The following SMARCC1 variants were observed in gnomAD, a reference collection of about 807,000 sequenced individuals.
SMARCC1 encodes SWI/SNF complex subunit SMARCC1.
A neutral mutation model predicts 147.4 loss-of-function variants in SMARCC1; 43 were observed. The observed-to-expected ratio is 0.29, with a 90% CI of 0.23 to 0.38. The LOEUF is 0.38. Among genes scored for constraint, SMARCC1 ranks in the 10% least tolerant of loss-of-function variants. The pLI, the probability that SMARCC1 is intolerant of heterozygous loss-of-function variation, is 1.00. For missense variants in SMARCC1, 1,119 were observed against 1,381.1 expected (o/e 0.81, Z 3.01); for synonymous variants, 495 against 484.4 (o/e 1.02, Z -0.29).
intron 1 of SMARCC1, among the ~76,000 whole-genome samples, chr3:47,778,084 G>A (rs1211457141): frequency 2.0e-5 from 3 of 149,696 alleles, no homozygotes; most frequent in African/African-American, 4.9e-5. Context: ...GCGGGTGCCT[G>A]TAATCCCAGC....
At chr3:47,707,319 G>GAAA (rs112319199) in intron 9 of SMARCC1, among the ~76,000 whole-genome samples, 1 of 137,822 alleles carries the variant, frequency 7.3e-6, no homozygotes. Context: ...CTCAAAGAAG[G>GAAA]AAAAAAAAAA....
At chr3:47,675,346 T>G in intron 18 of SMARCC1, 129 bp downstream of exon 18, 1 of 525,238 alleles carries the variant, frequency 1.9e-6, no homozygotes, top group Non-Finnish European at 3.4e-6. Context: ...CATATAGGAA[T>G]ATAAAAGGTA....
intron 9 of SMARCC1, among the ~76,000 whole-genome samples, chr3:47,709,118 A>C (rs1559650890): frequency 6.6e-6 from 1 of 152,084 alleles, no homozygotes; most frequent in Non-Finnish European, 1.5e-5. Context: ...AAAATTAGCC[A>C]GGTGTGGTGG....
intron 5 of SMARCC1, among the ~76,000 whole-genome samples, chr3:47,732,214 C>A (rs975969446): frequency 7.9e-5 from 12 of 152,192 alleles, no homozygotes; most frequent in African/African-American, 2.9e-4. Flanking sequence ...TTCAAACGTT[C>A]CTTCTGCAGC....
intron 26 of SMARCC1, among the ~76,000 whole-genome samples, chr3:47,605,756 G>A (rs949863537): frequency 1.5e-4 from 23 of 152,158 alleles, no homozygotes; most frequent in Non-Finnish European, 3.1e-4. Flanking sequence ...CTGGGTGACA[G>A]AGTAAGGCCC....
chr3:47,673,281 T>C (rs745742537), intron 18 of SMARCC1, among the ~76,000 whole-genome samples: 1 of 149,992 alleles, frequency 6.7e-6, no homozygotes, highest in Non-Finnish European at 1.5e-5. Flanking sequence ...TCCCACCACT[T>C]TGGGAGGCTG....
intron 7 of SMARCC1, among the ~76,000 whole-genome samples, chr3:47,717,638 A>C (rs2034172980): frequency 6.6e-6 from 1 of 152,074 alleles, no homozygotes; most frequent in Admixed American, 6.6e-5. Flanking sequence ...GTCTCAGCTC[A>C]CTGCAGCCTC....
intron 21 of SMARCC1, among the ~76,000 whole-genome samples, chr3:47,648,223 G>A (rs2033143356): frequency 6.6e-6 from 1 of 152,042 alleles, no homozygotes; most frequent in South Asian, 2.1e-4. Context: ...TCGAACCCCT[G>A]ACTTGAGGTG....
chr3:47,661,253 A>C, intron 21 of SMARCC1, 41 bp downstream of exon 21: 1 of 1,528,110 alleles, frequency 6.5e-7, no homozygotes, highest in Non-Finnish European at 8.8e-7. Context: ...AGGAATACAA[A>C]CATATATTAA....
chr3:47,746,740 T>C (rs2034568222), intron 2 of SMARCC1, among the ~76,000 whole-genome samples: 1 of 151,494 alleles, frequency 6.6e-6, no homozygotes, highest in African/African-American at 2.4e-5. Context: ...TTTTTTTTTT[T>C]TTTTTTTGAG....
At chr3:47,769,147 G>T (rs997624256) in intron 2 of SMARCC1, among the ~76,000 whole-genome samples, 6 of 144,710 alleles carry the variant, frequency 4.1e-5, no homozygotes, top group Non-Finnish European at 7.5e-5. Flanking sequence ...GGAGGCGGAG[G>T]CTGCAGTGAG....
chr3:47,777,957 G>C (rs969394735), intron 1 of SMARCC1, among the ~76,000 whole-genome samples: 1 of 151,700 alleles, frequency 6.6e-6, no homozygotes, highest in Non-Finnish European at 1.5e-5. Flanking sequence ...TGTAATCCCA[G>C]TACTTTGGGA....
chr3:47,693,430 C>A, intron 11 of SMARCC1, 130 bp from the exon 12 acceptor site: 1 of 615,522 alleles, frequency 1.6e-6, no homozygotes, highest in South Asian at 2.0e-5. Flanking sequence ...AATACACTTT[C>A]AGGTAAAAAT....
intron 3 of SMARCC1, 36 bp downstream of exon 3, chr3:47,745,870 CTT>C: frequency 7.9e-7 from 1 of 1,269,488 alleles, no homozygotes; most frequent in South Asian, 1.4e-5. Flanking sequence ...AAGTAAATAA[CTT>C]AAGATCAAAA....
chr3:47,707,335 CAACCTTTA>C (rs1225359716), intron 9 of SMARCC1, among the ~76,000 whole-genome samples: 1 of 150,378 alleles, frequency 6.6e-6, no homozygotes, highest in African/African-American at 2.4e-5. Context: ...AAAAAAAAGT[CAACCTTTA>C]TAAGTAAAAA....
intron 21 of SMARCC1, among the ~76,000 whole-genome samples, chr3:47,643,773 A>G (rs1057323625): frequency 6.6e-6 from 1 of 152,244 alleles, no homozygotes; most frequent in African/African-American, 2.4e-5. Flanking sequence ...GAATGATTCA[A>G]ATTATTGGTA....
chr3:47,618,778 C>G (rs945054173), intron 25 of SMARCC1, among the ~76,000 whole-genome samples: 2 of 152,010 alleles, frequency 1.3e-5, no homozygotes, highest in Non-Finnish European at 2.9e-5. Context: ...ACCGGGGGAC[C>G]TGCAGGTTCA....
intron 19 of SMARCC1, among the ~76,000 whole-genome samples, chr3:47,667,361 A>C (rs1219707664): frequency 6.6e-6 from 1 of 152,180 alleles, no homozygotes; most frequent in Non-Finnish European, 1.5e-5. Context: ...TTACAGTGAT[A>C]AATAAATGTT....
chr3:47,662,864 G>C (rs1436759569), intron 19 of SMARCC1, among the ~76,000 whole-genome samples: 1 of 151,318 alleles, frequency 6.6e-6, no homozygotes, highest in African/African-American at 2.4e-5. Context: ...CCTGAGGTCA[G>C]GAGTTCGAGA....
Sources: gnomAD v4.1 joint callset for allele counts (sites outside exome capture counted in the v4.1 genomes callset) on GRCh38, gnomAD v4.1.1 for gene constraint, MANE v1.5 for transcripts, NCBI Gene and HGNC (gene_info 2026-07-23, HGNC 2026-07-21) for gene names.